MARCHF1: variants seen among roughly 807,000 people sequenced by gnomAD.
MARCHF1 encodes the protein membrane associated ring-CH-type finger 1, also known as E3 ubiquitin-protein ligase MARCHF1.
MARCHF1 carries 40 observed loss-of-function variants against 54.2 expected under a neutral mutation model. The ratio of observed to expected loss-of-function variants is 0.74; its 90% confidence interval spans 0.57 to 0.96. The LOEUF (loss-of-function observed/expected upper bound fraction) is 0.96. MARCHF1 is among the 40% of genes least tolerant of loss of function. The pLI, the probability that MARCHF1 is intolerant of heterozygous loss-of-function variation, is 0.00. For synonymous variants in MARCHF1, 236 were observed against 236.3 expected (o/e 1.00, Z 0.01); for missense variants, 586 against 656.5 (o/e 0.89, Z 1.17).
chr4:163,607,898 T>G (rs561592282), intron 7 of MARCHF1, among the ~76,000 whole-genome samples: 2 of 152,188 alleles, frequency 1.3e-5, no homozygotes, highest in African/African-American at 4.8e-5. Context: ...TAACAAGCCC[T>G]CCAGTTGTCA....
chr4:164,020,336 T>C (rs1753634207), intron 2 of MARCHF1, among the ~76,000 whole-genome samples: 1 of 152,126 alleles, frequency 6.6e-6, no homozygotes, highest in Admixed American at 6.5e-5. Context: ...ATCCCTAAGC[T>C]CAATATAGGA....
chr4:163,551,460 C>T (rs1339386496), intron 8 of MARCHF1, among the ~76,000 whole-genome samples: 2 of 152,216 alleles, frequency 1.3e-5, no homozygotes, highest in South Asian at 2.1e-4. Flanking sequence ...AAAATTTGAC[C>T]TCTGCAGACC....
At chr4:164,110,088 T>C (rs1201494865) in intron 2 of MARCHF1, among the ~76,000 whole-genome samples, 1 of 148,308 alleles carries the variant, frequency 6.7e-6, no homozygotes, top group African/African-American at 2.5e-5. Context: ...GTTGTTGTTA[T>C]TTGAAAATTT....
intron 1 of MARCHF1, among the ~76,000 whole-genome samples, chr4:164,136,124 C>T (rs1756396530): frequency 6.6e-6 from 1 of 151,428 alleles, no homozygotes; most frequent in Non-Finnish European, 1.5e-5. Context: ...AATATATCCT[C>T]ACTGGGAGAG....
intron 1 of MARCHF1, among the ~76,000 whole-genome samples, chr4:164,141,401 AAAG>A (rs1358231764): frequency 3.3e-5 from 5 of 152,332 alleles, no homozygotes; most frequent in African/African-American, 1.2e-4. Context: ...AACTACTTAC[AAAG>A]AAGAGTCACA....
rs41456846 is a variant in MARCHF1 at position 164,034,900 on chromosome 4, A to G, written c.-247-46191T>C. ...GTTTTATTTTTATGAAGTTTCTCAG[A>G]TGATAGACAATAAAGCTGGGATTCC... On this transcript the variant is annotated intron_variant, in intron 2 of 9. Coordinates refer to ENST00000514618, the MANE Select transcript of MARCHF1 (RefSeq NM_001394959.1). Among the ~76,000 whole-genome samples the G allele has an allele frequency of 9.8e-3, 1,491 of 152,258 alleles. 18 individuals are homozygous for G. The highest frequency in any genetic ancestry group is 0.033 in the African/African-American group (1,367 of 41,566).
intron 5 of MARCHF1, among the ~76,000 whole-genome samples, chr4:163,674,550 A>C (rs891214974): frequency 1.3e-5 from 2 of 152,142 alleles, no homozygotes; most frequent in Admixed American, 6.6e-5. Context: ...GGCAGCAAAC[A>C]GAGGTTATCC....
chr4:163,744,522 T>A (rs1309103412), intron 4 of MARCHF1, among the ~76,000 whole-genome samples: 1 of 152,206 alleles, frequency 6.6e-6, no homozygotes, highest in Non-Finnish European at 1.5e-5. Flanking sequence ...GACTTGTCTA[T>A]AAAATGGAAA....
At chr4:164,267,486 T>C (rs1439659311) in intron 1 of MARCHF1, among the ~76,000 whole-genome samples, 3 of 152,118 alleles carry the variant, frequency 2.0e-5, no homozygotes, top group Non-Finnish European at 2.9e-5. Context: ...TTACAAGAAA[T>C]TGATGATTGC....
chr4:164,101,814 T>C (rs1204192330), intron 2 of MARCHF1, among the ~76,000 whole-genome samples: 2 of 150,472 alleles, frequency 1.3e-5, no homozygotes, highest in African/African-American at 4.9e-5. Flanking sequence ...CAAATTACTC[T>C]GAGCTACGGG....
intron 1 of MARCHF1, among the ~76,000 whole-genome samples, chr4:164,283,639 C>T (rs1248994252): frequency 6.6e-6 from 1 of 150,882 alleles, no homozygotes; most frequent in African/African-American, 2.4e-5. Context: ...AATGCGTGTA[C>T]TCATTAAAGG....
intron 1 of MARCHF1, among the ~76,000 whole-genome samples, chr4:164,217,021 GAATTAGAACTATTAGGAAAA>G (rs150099598): frequency 0.077 from 11,746 of 152,130 alleles, 815 homozygotes; most frequent in East Asian, 0.17. Context: ...TACAAATGTA[GAATTAGAACTATTAGGAAAA>G]AAAATTTAAA....
At chr4:163,919,342 GA>G (rs568804588) in intron 3 of MARCHF1, among the ~76,000 whole-genome samples, 276 of 151,782 alleles carry the variant, frequency 1.8e-3, no homozygotes, top group African/African-American at 6.4e-3. Flanking sequence ...AACACAACAG[GA>G]AAATGAATAC....
chr4:163,954,622 C>T lies in MARCHF1; in HGVS notation c.-39+33879G>A, dbSNP rs551470067. Among the ~76,000 whole-genome samples the T allele has an allele frequency of 5.7e-4, 87 of 152,120 alleles. 1 individual carries two copies. The highest frequency in any genetic ancestry group is 2.0e-3 in the African/African-American group (81 of 41,500). ...ATTATAGCCATGATTTTATTTATGG[C>T]TATCTCATACTTCTTCATAAAATTT... On this transcript the variant is annotated intron_variant, in intron 3 of 9. Transcript: ENST00000514618.
intron 1 of MARCHF1, among the ~76,000 whole-genome samples, chr4:164,301,822 C>G (rs1011757770): frequency 6.6e-6 from 1 of 152,088 alleles, no homozygotes; most frequent in Non-Finnish European, 1.5e-5. Context: ...TGGAAATGGT[C>G]ATGAATTTGG....
chr4:164,004,401 A>C (rs1463702245), intron 2 of MARCHF1, among the ~76,000 whole-genome samples: 1 of 152,160 alleles, frequency 6.6e-6, no homozygotes, highest in African/African-American at 2.4e-5. Flanking sequence ...AATGGACAGA[A>C]CCAAAAGTAG....
In MARCHF1 at chr4:164,036,314, TC is replaced by T. The variant is rs1377045432; in HGVS notation, c.-247-47606del. On this transcript the variant is annotated intron_variant, in intron 2 of 9. Transcript: ENST00000514618. ...ATCAGAAACCAATGGCTTATTGACA[TC>T]TTTTTCTATACTACAATTGGAGATA... Among the ~76,000 whole-genome samples, 5 of 152,210 alleles carry T rather than the reference TC, an allele frequency of 3.3e-5. No individual in the cohort carries two copies. In the East Asian group the frequency reaches 7.7e-4, roughly 24 times the overall value.
intron 2 of MARCHF1, among the ~76,000 whole-genome samples, chr4:164,052,500 G>C (rs971919529): frequency 1.3e-5 from 2 of 151,966 alleles, no homozygotes; most frequent in Non-Finnish European, 2.9e-5. Flanking sequence ...CCACTGCACT[G>C]CAGCCTGGGT....
At chr4:164,147,274 A>G (rs1326953998) in intron 1 of MARCHF1, among the ~76,000 whole-genome samples, 1 of 148,184 alleles carries the variant, frequency 6.7e-6, no homozygotes, top group African/African-American at 2.5e-5. Context: ...GCGATTCCTC[A>G]GGGATCTAGA....
Sources: gnomAD v4.1 joint callset for allele counts (sites outside exome capture counted in the v4.1 genomes callset) on GRCh38, gnomAD v4.1.1 for gene constraint, MANE v1.5 for transcripts, NCBI Gene and HGNC (gene_info 2026-07-23, HGNC 2026-07-21) for gene names.